Variants in PRKCB observed in about 807,000 individuals in gnomAD.
The protein encoded by PRKCB is protein kinase C beta type.
Under a neutral mutation model 81.5 loss-of-function variants are expected in PRKCB, and 13 were observed. The observed-to-expected ratio is 0.16, with a 90% CI of 0.10 to 0.25. PRKCB has a LOEUF of 0.25. Among genes scored for constraint, PRKCB ranks in the 10% least tolerant of loss-of-function variants. The pLI is 1.00. For synonymous variants in PRKCB, 335 were observed against 321.4 expected, an observed-to-expected ratio of 1.04 and a Z score of -0.45; for missense variants, 509 against 875.7, an observed-to-expected ratio of 0.58 and a Z score of 5.29.
intron 2 of PRKCB, among the ~76,000 whole-genome samples, chr16:23,850,359 A>T (rs564552458): frequency 1.4e-4 from 16 of 110,972 alleles, no homozygotes; most frequent in Admixed American, 3.5e-4. Context: ...CTTAAAAAAA[A>T]TTTAATTTAA....
At chr16:23,903,300 T>G (rs560494298) in intron 2 of PRKCB, among the ~76,000 whole-genome samples, 1 of 151,160 alleles carries the variant, frequency 6.6e-6, no homozygotes, top group South Asian at 2.1e-4. Context: ...CACGTGTGTG[T>G]GGGGGAGTGA....
At chr16:23,949,462 T>A (rs1278072804) in intron 2 of PRKCB, among the ~76,000 whole-genome samples, 1 of 152,220 alleles carries the variant, frequency 6.6e-6, no homozygotes, top group Non-Finnish European at 1.5e-5. Flanking sequence ...CCTCAGTTGA[T>A]TCTCATGGTC....
At chr16:24,020,976 T>TTTCTTTCTTTCCTTCTTTCTTTCTTTC (rs1195937545) in intron 3 of PRKCB, among the ~76,000 whole-genome samples, 3 of 96,630 alleles carry the variant, frequency 3.1e-5, no homozygotes, top group African/African-American at 1.2e-4. Flanking sequence ...AGACTTTTCT[T>TTTCTTTCTTTCCTTCTTTCTTTCTTTC]TTTCTTTCTT....
At chr16:24,016,064 G>C (rs1965273307) in intron 3 of PRKCB, among the ~76,000 whole-genome samples, 1 of 152,080 alleles carries the variant, frequency 6.6e-6, no homozygotes. Flanking sequence ...TCATTCCCTA[G>C]AACCTCACAA....
At chr16:23,881,959 T>C (rs1367977481) in intron 2 of PRKCB, among the ~76,000 whole-genome samples, 3 of 151,652 alleles carry the variant, frequency 2.0e-5, no homozygotes, top group Non-Finnish European at 4.4e-5. Context: ...TTCCTTTTTT[T>C]CTTTTCCTTT....
intron 9 of PRKCB, chr16:24,151,883 C>T (rs745319278): frequency 4.4e-6 from 2 of 455,406 alleles, no homozygotes; most frequent in Non-Finnish European, 8.8e-6. Context: ...AGGATGTCCA[C>T]CCCTGTCCCT....
chr16:24,128,070 A>G (rs985266359), intron 9 of PRKCB, among the ~76,000 whole-genome samples: 5 of 152,238 alleles, frequency 3.3e-5, no homozygotes, highest in African/African-American at 1.2e-4. Context: ...ACAAAACAAA[A>G]CAAAACATGT....
rs372677227 is a variant in PRKCB at position 23,946,075 on chromosome 16, G to A, written c.206-42433G>A. 4.6e-5 allele frequency among the ~76,000 whole-genome samples: 7 copies of A among 152,318 alleles called. No individual in the cohort carries two copies. In the South Asian group the frequency reaches 1.5e-3, roughly 32 times the overall value. ...CCTAAGATTTATTTCCTCATTGCAGGTGGGGAAGCCAAAGCTCAGAGGGGT... is the reference window on the plus strand; with the variant it reads ...CCTAAGATTTATTTCCTCATTGCAGATGGGGAAGCCAAAGCTCAGAGGGGT... On this transcript the variant is annotated intron_variant, in intron 2 of 16. Coordinates refer to ENST00000643927, the MANE Select transcript of PRKCB (RefSeq NM_002738.7).
intron 13 of PRKCB, among the ~76,000 whole-genome samples, chr16:24,181,984 T>C (rs1472637469): frequency 6.6e-6 from 1 of 152,102 alleles, no homozygotes; most frequent in Non-Finnish European, 1.5e-5. Flanking sequence ...ACTGCTGACA[T>C]TTTTTACAAG....
chr16:23,926,401 T>A (rs1963896642), intron 2 of PRKCB, among the ~76,000 whole-genome samples: 1 of 151,776 alleles, frequency 6.6e-6, no homozygotes, highest in African/African-American at 2.4e-5. Flanking sequence ...GAAGAATCAC[T>A]TGAACCCGGG....
intron 2 of PRKCB, among the ~76,000 whole-genome samples, chr16:23,867,050 T>TTCCTTC (rs1567295181): frequency 1.8e-5 from 1 of 56,144 alleles, no homozygotes; most frequent in African/African-American, 7.0e-5. Flanking sequence ...CCTTCCTTCC[T>TTCCTTC]TCTCTCTCTC....
chr16:24,145,321 G>A (rs997421915), intron 9 of PRKCB, among the ~76,000 whole-genome samples: 1 of 152,186 alleles, frequency 6.6e-6, no homozygotes, highest in Admixed American at 6.5e-5. Flanking sequence ...GTTCATGCCT[G>A]TAATCCAGCA....
At chr16:23,985,024 G>GT (rs1200358127) in intron 2 of PRKCB, among the ~76,000 whole-genome samples, 1 of 152,080 alleles carries the variant, frequency 6.6e-6, no homozygotes, top group African/African-American at 2.4e-5. Context: ...AGCTATTTGA[G>GT]TTTTTTTAAA....
At chr16:24,111,626 GAAAAGAAAA>G (rs977703157) in intron 7 of PRKCB, among the ~76,000 whole-genome samples, 6 of 117,304 alleles carry the variant, frequency 5.1e-5, no homozygotes, top group African/African-American at 1.4e-4. Flanking sequence ...ATCTCTGCCA[GAAAAGAAAA>G]AAAAGAAAAA....
intron 7 of PRKCB, among the ~76,000 whole-genome samples, chr16:24,112,283 A>G (rs908780951): frequency 2.0e-5 from 3 of 152,200 alleles, no homozygotes; most frequent in Non-Finnish European, 2.9e-5. Context: ...GGGGGTTGCA[A>G]TTTGGGAGGA....
intron 2 of PRKCB, among the ~76,000 whole-genome samples, chr16:23,847,577 C>CATCCATCCATCCATCCATCCATCT (rs112988555): frequency 0.036 from 5,351 of 150,624 alleles, 125 homozygotes; most frequent in Middle Eastern, 0.082. Context: ...TCCATCCATC[C>CATCCATCCATCCATCCATCCATCT]GTCTGGCTAT....
At chr16:24,153,261 C>A (rs1336900300) in intron 9 of PRKCB, among the ~76,000 whole-genome samples, 4 of 152,098 alleles carry the variant, frequency 2.6e-5, no homozygotes, top group African/African-American at 9.7e-5. Context: ...TGAACTCTGG[C>A]CCTGATTGGT....
intron 2 of PRKCB, among the ~76,000 whole-genome samples, chr16:23,981,952 C>T (rs1163052479): frequency 1.0e-5 from 1 of 99,886 alleles, no homozygotes; most frequent in Non-Finnish European, 2.1e-5. Flanking sequence ...CCTTTCCCTT[C>T]CCCTTCACTT....
At chr16:24,061,076 T>A (rs1007184258) in intron 5 of PRKCB, among the ~76,000 whole-genome samples, 2 of 152,182 alleles carry the variant, frequency 1.3e-5, no homozygotes, top group Non-Finnish European at 2.9e-5. Flanking sequence ...TCTTTTTTTT[T>A]TTGAGACAGG....
Sources: gnomAD v4.1 joint callset for allele counts (sites outside exome capture counted in the v4.1 genomes callset) on GRCh38, gnomAD v4.1.1 for gene constraint, MANE v1.5 for transcripts, NCBI Gene and HGNC (gene_info 2026-07-23, HGNC 2026-07-21) for gene names.